The following NRXN1 variants were observed in gnomAD, a reference collection of about 807,000 sequenced individuals.
The protein encoded by NRXN1 is neurexin-1.
Under a neutral mutation model 150.9 loss-of-function variants are expected in NRXN1, and 39 were observed. The observed-to-expected ratio is 0.26, with a 90% confidence interval of 0.20 to 0.34. The LOEUF (loss-of-function observed/expected upper bound fraction) is 0.34, where lower values mean the gene tolerates loss of function less well. NRXN1 is among the 10% of genes least tolerant of loss of function. NRXN1 has a pLI of 1.00. For synonymous variants in NRXN1, 924 were observed against 757.0 expected, an observed-to-expected ratio of 1.22 and a Z score of -3.62; for missense variants, 1,815 against 1,949.9, an observed-to-expected ratio of 0.93 and a Z score of 1.30.
At chr2:50,293,602 C>A (rs2073209495) in intron 17 of NRXN1, among the ~76,000 whole-genome samples, 1 of 152,056 alleles carries the variant, frequency 6.6e-6, no homozygotes, top group Admixed American at 6.6e-5. Flanking sequence ...TCAAGTAGAA[C>A]TTTTCTTAGG....
At chr2:49,966,640 C>T (rs1035765379) in intron 21 of NRXN1, 1 of 151,804 alleles carries the variant, frequency 6.6e-6, no homozygotes, top group Non-Finnish European at 1.5e-5. Flanking sequence ...TAAGTCTTCA[C>T]CAGTAGATAC....
chr2:50,544,937 G>C (rs2093462336), intron 9 of NRXN1, among the ~76,000 whole-genome samples: 1 of 152,084 alleles, frequency 6.6e-6, no homozygotes, highest in African/African-American at 2.4e-5. Flanking sequence ...CACAGAAAAA[G>C]CTATCTTTAA....
chr2:50,414,662 G>C (rs1424639302), intron 17 of NRXN1, among the ~76,000 whole-genome samples: 1 of 151,870 alleles, frequency 6.6e-6, no homozygotes, highest in Non-Finnish European at 1.5e-5. Flanking sequence ...AGTGTAGTAA[G>C]TCCCTCGGAA....
At chr2:50,118,849 G>C (rs368053237) in intron 18 of NRXN1, among the ~76,000 whole-genome samples, 1 of 152,084 alleles carries the variant, frequency 6.6e-6, no homozygotes, top group African/African-American at 2.4e-5. Flanking sequence ...CATAAGTCTG[G>C]AATACATTTT....
chr2:50,819,885 T>C (rs1023804486), intron 5 of NRXN1, among the ~76,000 whole-genome samples: 2 of 152,060 alleles, frequency 1.3e-5, no homozygotes, highest in Non-Finnish European at 2.9e-5. Context: ...TGAGCAGACA[T>C]CACTCATGAT....
chr2:50,632,108 G>C (rs1447198055), intron 5 of NRXN1, among the ~76,000 whole-genome samples: 6 of 151,894 alleles, frequency 4.0e-5, no homozygotes, highest in African/African-American at 1.4e-4. Flanking sequence ...TTATGAAATG[G>C]ATATGAAGTA....
At chr2:50,218,576 C>T (rs933059892) in intron 18 of NRXN1, among the ~76,000 whole-genome samples, 1 of 151,662 alleles carries the variant, frequency 6.6e-6, no homozygotes, top group Admixed American at 6.6e-5. Context: ...CCCCTCCCCA[C>T]CACATACCCA....
rs1558620526 is a variant in NRXN1 at position 50,373,682 on chromosome 2, A to AG, written c.3364+91759dup. ...AGAAAGAAAGAAAGAAAGAAAGAAA[A>AG]GAAAGAAGGAAAGAAAGAAAGAAAG... On this transcript the variant is annotated intron_variant, in intron 17 of 22. Transcript: ENST00000401669. Among the ~76,000 whole-genome samples the AG allele has an allele frequency of 3.4e-4, 37 of 109,640 alleles. 1 individual carries two copies. Among genetic ancestry groups the AG allele is most frequent in the African/African-American group, 1.2e-3 (33 of 28,374 alleles). The allele number at this position is 109,640 out of a possible 152,430, so 71.9% of individuals were successfully genotyped here. A position where few individuals can be genotyped will look rare whatever the true frequency, so the allele number is the denominator to read the frequency against.
chr2:49,947,306 C>A (rs938616582), intron 21 of NRXN1, among the ~76,000 whole-genome samples: 1 of 151,892 alleles, frequency 6.6e-6, no homozygotes, highest in Admixed American at 6.6e-5. Context: ...TAAATAAATT[C>A]TTTAAACCAA....
chr2:49,942,411 AC>A (rs1310225982), intron 22 of NRXN1, among the ~76,000 whole-genome samples: 1 of 152,178 alleles, frequency 6.6e-6, no homozygotes. Context: ...TGCACGACAT[AC>A]ATCCCGATTT....
At chr2:50,202,297 G>A (rs988913091) in intron 18 of NRXN1, among the ~76,000 whole-genome samples, 1 of 152,190 alleles carries the variant, frequency 6.6e-6, no homozygotes, top group African/African-American at 2.4e-5. Flanking sequence ...ACAAGGTCAG[G>A]AGATCGAGGC....
intron 18 of NRXN1, among the ~76,000 whole-genome samples, chr2:50,177,774 A>T (rs867218263): frequency 0.02 from 2,676 of 131,114 alleles, 50 homozygotes; most frequent in Non-Finnish European, 0.032. Context: ...TAACTAACTA[A>T]CTCTCTCTCT....
intron 21 of NRXN1, among the ~76,000 whole-genome samples, chr2:49,968,929 C>A (rs1677440558): frequency 6.6e-6 from 1 of 152,028 alleles, no homozygotes; most frequent in Non-Finnish European, 1.5e-5. Flanking sequence ...TGACATCTAG[C>A]AGTGTTCTGG....
chr2:50,744,528 A>C (rs984432359), intron 5 of NRXN1, among the ~76,000 whole-genome samples: 2 of 152,138 alleles, frequency 1.3e-5, no homozygotes, highest in African/African-American at 4.8e-5. Flanking sequence ...ATATATACAT[A>C]GTTTTTCATA....
At chr2:50,545,824 T>C (rs1050006871) in intron 9 of NRXN1, among the ~76,000 whole-genome samples, 1 of 152,124 alleles carries the variant, frequency 6.6e-6, no homozygotes, top group African/African-American at 2.4e-5. Flanking sequence ...GATACTTGAG[T>C]TCCTGATACA....
At chr2:50,264,270 T>C (rs150759622) in intron 17 of NRXN1, among the ~76,000 whole-genome samples, 17 of 152,180 alleles carry the variant, frequency 1.1e-4, no homozygotes, top group African/African-American at 3.8e-4. Context: ...TCAGTCACAA[T>C]TGAACGCACA....
chr2:49,944,651 A>G (rs940623282), intron 21 of NRXN1, among the ~76,000 whole-genome samples: 15 of 152,194 alleles, frequency 9.9e-5, no homozygotes, highest in African/African-American at 3.6e-4. Flanking sequence ...GACAAGCTGC[A>G]GTAAATTCAG....
chr2:50,655,672 G>C (rs1057487728), intron 5 of NRXN1, among the ~76,000 whole-genome samples: 3 of 151,152 alleles, frequency 2.0e-5, no homozygotes, highest in African/African-American at 7.4e-5. Context: ...TCTTTTGGGG[G>C]GGGAGGGAAG....
rs768373513 is a variant in NRXN1 at position 50,981,182 on chromosome 2, C to T, written c.772+46320G>A. The stretch of plus-strand genomic sequence containing the variant: ...ATTATAAGAAACATAACTGTCTCGG[C>T]GTAGTGGCTCACATCCGTAATCCCA... On this transcript the variant is annotated intron_variant, in intron 2 of 22. Coordinates refer to ENST00000401669, the MANE Select transcript of NRXN1 (RefSeq NM_001330078.2). Among the ~76,000 whole-genome samples the T allele has an allele frequency of 8.6e-5, 13 of 151,866 alleles. No homozygotes were observed. In the East Asian group the frequency reaches 1.6e-3, roughly 18 times the overall value.
Sources: allele counts gnomAD v4.1 joint callset (sites outside exome capture counted in the v4.1 genomes callset), GRCh38; gene constraint gnomAD v4.1.1; transcripts MANE v1.5; gene names NCBI Gene and HGNC (gene_info 2026-07-23, HGNC 2026-07-21).